Variants in MKLN1 observed in about 807,000 individuals in gnomAD.
MKLN1 encodes muskelin.
Under a neutral mutation model 99.0 loss-of-function variants are expected in MKLN1, and 18 were observed. That is an observed-to-expected ratio of 0.18 (90% confidence interval 0.13 to 0.27). The LOEUF (loss-of-function observed/expected upper bound fraction) is 0.27. Among genes scored for constraint, MKLN1 ranks in the 10% least tolerant of loss-of-function variants. MKLN1 has a pLI of 1.00. For synonymous variants in MKLN1, 288 were observed against 293.2 expected (o/e 0.98, Z 0.18); for missense variants, 621 against 875.9 (o/e 0.71, Z 3.67).
In MKLN1 at chr7:131,389,594, GTATT is replaced by G. The variant is rs200438316; in HGVS notation, c.400+626_400+629del. Among the ~76,000 whole-genome samples the G allele has an allele frequency of 5.5e-3, 843 of 152,144 alleles. 7 individuals carry two copies. Among genetic ancestry groups the G allele is most frequent in the African/African-American group, 0.02 (818 of 41,514 alleles). On this transcript the variant is annotated intron_variant, in intron 4 of 17. Coordinates refer to ENST00000352689, the MANE Select transcript of MKLN1 (RefSeq NM_013255.5). ...TTAGCAAGTATTTTAGCTTAAGAAAGTATTTATAATGCATCCTCAAAATTAGTAT... is the reference window on the plus strand; with the variant it reads ...TTAGCAAGTATTTTAGCTTAAGAAAGTATAATGCATCCTCAAAATTAGTAT...
intron 1 of MKLN1, among the ~76,000 whole-genome samples, chr7:131,357,679 G>T (rs1341017806): frequency 2.0e-5 from 3 of 152,106 alleles, no homozygotes; most frequent in Non-Finnish European, 2.9e-5. Flanking sequence ...AGCTCTTTCA[G>T]TTGACTCATG....
chr7:131,371,768 A>G (rs1429551946), intron 1 of MKLN1, among the ~76,000 whole-genome samples: 2 of 148,430 alleles, frequency 1.3e-5, no homozygotes, highest in African/African-American at 2.5e-5. Context: ...TATATAACAT[A>G]TATATATATA....
chr7:131,275,564 T>C, intron 3 of MKLN1, among the ~76,000 whole-genome samples: 1 of 25,584 alleles, frequency 3.9e-5, no homozygotes, highest in Non-Finnish European at 6.4e-5. Context: ...TATATATATA[T>C]ATATTTTTTT....
chr7:131,125,849 A>G (rs1052689596), intron 1 of MKLN1, among the ~76,000 whole-genome samples: 4 of 151,342 alleles, frequency 2.6e-5, no homozygotes, highest in Non-Finnish European at 5.9e-5. Context: ...TTAAAAATAC[A>G]AAAAAAATTA....
intron 2 of MKLN1, among the ~76,000 whole-genome samples, chr7:131,144,089 G>T (rs950457710): frequency 1.3e-5 from 2 of 152,128 alleles, no homozygotes; most frequent in African/African-American, 4.8e-5. Flanking sequence ...TATGAGGGCA[G>T]GCAATTTTTT....
At chr7:131,409,184 T>A (rs1794796703) in intron 6 of MKLN1, among the ~76,000 whole-genome samples, 1 of 152,212 alleles carries the variant, frequency 6.6e-6, no homozygotes, top group Admixed American at 6.5e-5. Context: ...TTTTTATAGA[T>A]GAGAATATCA....
At chr7:131,377,951 T>C (rs939544414) in intron 2 of MKLN1, among the ~76,000 whole-genome samples, 2 of 152,224 alleles carry the variant, frequency 1.3e-5, no homozygotes, top group African/African-American at 4.8e-5. Context: ...TTCTTCATTG[T>C]AGTTATTACT....
At chr7:131,256,872 C>T (rs575283798) in intron 3 of MKLN1, among the ~76,000 whole-genome samples, 2 of 152,132 alleles carry the variant, frequency 1.3e-5, no homozygotes, top group African/African-American at 4.8e-5. Flanking sequence ...ACTCCTTAGG[C>T]GATGGGATCA....
At chr7:131,222,396 T>G (rs1163633350) in intron 3 of MKLN1, among the ~76,000 whole-genome samples, 1 of 152,140 alleles carries the variant, frequency 6.6e-6, no homozygotes, top group East Asian at 1.9e-4. Context: ...AGGGAAGACA[T>G]CTCTCTGGTA....
chr7:131,204,957 G>T (rs1258539812), intron 3 of MKLN1, among the ~76,000 whole-genome samples: 2 of 138,006 alleles, frequency 1.4e-5, no homozygotes, highest in East Asian at 2.3e-4. Context: ...AATTAGCTGG[G>T]TGTGGTGGTG....
intron 3 of MKLN1, among the ~76,000 whole-genome samples, chr7:131,222,759 G>A (rs187977444): frequency 9.4e-4 from 142 of 151,210 alleles, no homozygotes; most frequent in Admixed American, 2.2e-3. Flanking sequence ...GCTCACGCCT[G>A]TAATCTCAAC....
At chr7:131,368,665 C>T (rs1800253246) in intron 1 of MKLN1, among the ~76,000 whole-genome samples, 1 of 152,144 alleles carries the variant, frequency 6.6e-6, no homozygotes, top group South Asian at 2.1e-4. Context: ...ATGATCCAAT[C>T]ACCTCCTAAC....
chr7:131,455,603 G>A lies in MKLN1; in HGVS notation c.1526-7614G>A, dbSNP rs374267922. 3.9e-5 allele frequency among the ~76,000 whole-genome samples: 6 copies of A among 152,058 alleles called. 1 individual carries two copies. Among genetic ancestry groups the A allele is most frequent in the African/African-American group, 1.2e-4 (5 of 41,408 alleles). On this transcript the variant is annotated intron_variant, in intron 12 of 17. Transcript: ENST00000352689. Reference sequence around the variant, plus strand: ...CTGCTTGATTAATTTTTCTTTGTGAGTCAGTTTCTAAACTGGTTAAGGTTA... The same window carrying A: ...CTGCTTGATTAATTTTTCTTTGTGAATCAGTTTCTAAACTGGTTAAGGTTA...
chr7:131,165,352 A>AT lies in MKLN1; in HGVS notation c.-297+22417dup, dbSNP rs561258098. Among the ~76,000 whole-genome samples, 22 of 152,100 alleles carry AT rather than the reference A, an allele frequency of 1.4e-4. No individual in the cohort carries two copies. In the East Asian group the frequency reaches 4.3e-3, roughly 29 times the overall value. On this transcript the variant is annotated intron_variant, in intron 2 of 7. Transcript: ENST00000416992. The stretch of plus-strand genomic sequence containing the variant: ...AGGCACGCGATACCATGCCTGGCTA[A>AT]TTTTTTGTATTTTTAATAGAAACAG...
At chr7:131,484,544 C>G (rs1025970724) in intron 17 of MKLN1, among the ~76,000 whole-genome samples, 2 of 152,148 alleles carry the variant, frequency 1.3e-5, no homozygotes, top group African/African-American at 4.8e-5. Context: ...ACCTACCACA[C>G]AGGAACTCAG....
chr7:131,393,980 C>G (rs1422998058), intron 4 of MKLN1, among the ~76,000 whole-genome samples: 2 of 150,528 alleles, frequency 1.3e-5, no homozygotes, highest in Admixed American at 1.3e-4. Context: ...TATTTTATGT[C>G]TGGTGACATA....
rs1563247387 is a variant in MKLN1 at position 131,192,150 on chromosome 7, TATAC to T, written c.-296-10703_-296-10700del. Reference sequence around the variant, plus strand: ...ATATATAAAAATATATATACGTATATATACATATATACTTATGTATAATATATAA... The same window carrying T: ...ATATATAAAAATATATATACGTATATATATATACTTATGTATAATATATAA... On this transcript the variant is annotated intron_variant, in intron 2 of 7. Transcript: ENST00000416992. Among the ~76,000 whole-genome samples the T allele has an allele frequency of 1.8e-3, 213 of 120,822 alleles. 13 individuals are homozygous for T. Among genetic ancestry groups the T allele is most frequent in the African/African-American group, 2.5e-3 (76 of 30,326 alleles). The allele number at this position is 120,822 out of a possible 152,430, so 79.3% of individuals were successfully genotyped here.
At chr7:131,302,913 G>A (rs1798396481) in intron 3 of MKLN1, among the ~76,000 whole-genome samples, 2 of 152,182 alleles carry the variant, frequency 1.3e-5, no homozygotes, top group South Asian at 4.1e-4. Flanking sequence ...GCTGGTCGCT[G>A]AGAGGCCAGG....
intron 2 of MKLN1, among the ~76,000 whole-genome samples, chr7:131,164,268 T>C (rs2117494): frequency 0.57 from 86,224 of 151,962 alleles, 25,131 homozygotes; most frequent in East Asian, 0.81. Context: ...CACACCACCA[T>C]GCCTAGCTAA....
Sources: gnomAD v4.1 joint callset for allele counts (sites outside exome capture counted in the v4.1 genomes callset) on GRCh38, gnomAD v4.1.1 for gene constraint, MANE v1.5 for transcripts, NCBI Gene and HGNC (gene_info 2026-07-23, HGNC 2026-07-21) for gene names.